MLC1: variants seen among roughly 807,000 people sequenced by gnomAD.
MLC1 encodes modulator of VRAC current 1.
Under a neutral mutation model 44.7 loss-of-function variants are expected in MLC1, and 32 were observed. The observed-to-expected ratio is 0.72, with a 90% CI of 0.54 to 0.96. MLC1 has a LOEUF of 0.96. Among genes scored for constraint, MLC1 ranks in the 40% least tolerant of loss-of-function variants. MLC1 has a pLI of 0.00. For synonymous variants in MLC1, 190 were observed against 213.0 expected (o/e 0.89, Z 0.94); for missense variants, 459 against 492.2 (o/e 0.93, Z 0.64).
rs1023171023 is a variant in MLC1, at chr22:50,084,656, G to A, written c.177+70C>T. The A allele has an allele frequency of 1.3e-5, 20 of 1,543,726 alleles. No homozygotes were observed. The African/African-American group carries it at 2.0e-4, about 16-fold the overall frequency. The stretch of plus-strand genomic sequence containing the variant: ...TCTCTGTCCCACCTGGGGCTCCAGG[G>A]CGCTGCAGTCCGTCACCAGAGGGAC... On this transcript the variant is annotated intron_variant, in intron 2 of 11. Transcript: ENST00000311597.
chr22:50,061,709 G>A, intron 11 of MLC1, 52 bp from the exon 12 acceptor site: 1 of 1,534,434 alleles, frequency 6.5e-7, no homozygotes, highest in Non-Finnish European at 9.0e-7. Flanking sequence ...CTGTGCGGCG[G>A]GAAGGTGGAC....
Position 50,069,776 on chromosome 22 carries a change from G to A in MLC1, c.771+751C>T, listed in dbSNP as rs146858469. On this transcript the variant is annotated intron_variant, in intron 9 of 11. Transcript: ENST00000311597. ...CTTTTAACCCACCCCAAATCTTCCT[G>A]TTTGACCCATCAAGTCTCAGAGACA... Among the ~76,000 whole-genome samples the A allele has an allele frequency of 7.8e-3, 1,195 of 152,240 alleles. 11 individuals carry two copies. Among genetic ancestry groups the A allele is most frequent in the African/African-American group, 0.026 (1,096 of 41,532 alleles).
At chr22:50,072,361 G>A (rs2061873297) in intron 8 of MLC1, among the ~76,000 whole-genome samples, 1 of 152,254 alleles carries the variant, frequency 6.6e-6, no homozygotes, top group South Asian at 2.1e-4. Context: ...CAGGGCCTGG[G>A]CCCCTCTGCC....
In MLC1 at chr22:50,081,009, A is replaced by AAAAGAAGGAAAGAAAGAAAGAAAGAAAG. The variant is rs2062110743; in HGVS notation, c.268-613_268-612insCTTTCTTTCTTTCTTTCTTTCCTTCTTT. On this transcript the variant is annotated intron_variant, in intron 3 of 11. Transcript: ENST00000311597. Reference sequence around the variant, plus strand: ...TGATAGAGTGAGACCTTGTCTCAAAAAAAGAAAGAAAGAAAGAAAGAAAGA... The same window carrying AAAAGAAGGAAAGAAAGAAAGAAAGAAAG: ...TGATAGAGTGAGACCTTGTCTCAAAAAAAGAAGGAAAGAAAGAAAGAAAGAAAGAAAGAAAGAAAGAAAGAAAGAAAGA... Among the ~76,000 whole-genome samples the AAAAGAAGGAAAGAAAGAAAGAAAGAAAG allele has an allele frequency of 4.1e-5, 4 of 96,740 alleles. No homozygotes were observed. The East Asian group carries it at 1.1e-3, about 27-fold the overall frequency. The allele number at this position is 96,740 out of a possible 152,430, so 63.5% of individuals were successfully genotyped here.
At chr22:50,079,500 CTTTTTTT>C (rs55760839) in intron 5 of MLC1, among the ~76,000 whole-genome samples, 9 of 75,808 alleles carry the variant, frequency 1.2e-4, no homozygotes, top group Middle Eastern at 0.01. Context: ...GGATTTTTGT[CTTTTTTT>C]TTTTTTTTTT....
chr22:50,077,667 T>C (rs949311135), intron 5 of MLC1, among the ~76,000 whole-genome samples, 165 bp from the exon 6 acceptor site: 3 of 152,324 alleles, frequency 2.0e-5, no homozygotes, highest in African/African-American at 7.2e-5. Flanking sequence ...CTGCACACTC[T>C]CCTGCCTCAC....
chr22:50,062,237 A>AGCCCCTGG (rs2061581197), intron 11 of MLC1, among the ~76,000 whole-genome samples: 1 of 125,014 alleles, frequency 8.0e-6, no homozygotes, highest in African/African-American at 3.0e-5. Flanking sequence ...GCCCACCCTG[A>AGCCCCTGG]GCCCCAACCG....
intron 10 of MLC1, among the ~76,000 whole-genome samples, chr22:50,065,115 G>A (rs757647217): frequency 2.6e-5 from 4 of 152,150 alleles, no homozygotes; most frequent in Non-Finnish European, 5.9e-5. Context: ...AGTAGAGACG[G>A]GGTTTCACCA....
Position 50,084,958 on chromosome 22 carries a change from T to C in MLC1, c.-56A>G. The C allele has an allele frequency of 6.3e-7, 1 of 1,599,448 alleles. No homozygotes were observed. ...TGTACAGCCACGTGTCACCAGTTCT[T>C]TATCTGGAATAAAATTATCATCGGC... is the stretch of plus-strand genomic sequence containing the variant. On this transcript the variant is annotated 5_prime_UTR_variant, in exon 2 of 12. Coordinates refer to ENST00000311597, the MANE Select transcript of MLC1 (RefSeq NM_015166.4).
intron 11 of MLC1, among the ~76,000 whole-genome samples, chr22:50,062,603 CT>C (rs2061595564): frequency 6.6e-6 from 1 of 152,370 alleles, no homozygotes; most frequent in Admixed American, 6.5e-5. Context: ...TCCTCCGGGA[CT>C]TAGCGGGCAC....
chr22:50,061,238 C>A lies in MLC1; in HGVS notation c.*345G>T. ...TCCAGAGAGCCCACTCCAGCCCAAG[C>A]CATGAGAGAGGCAGGAAGAGGAGCT... is the stretch of plus-strand genomic sequence containing the variant. On this transcript the variant is annotated 3_prime_UTR_variant, in exon 12 of 12. Coordinates refer to ENST00000311597, the MANE Select transcript of MLC1 (RefSeq NM_015166.4). The A allele has an allele frequency of 2.5e-6, 1 of 400,710 alleles. No homozygotes were observed. Among genetic ancestry groups the A allele is most frequent in the Non-Finnish European group, 4.7e-6 (1 of 211,120 alleles). 24.8% of individuals were successfully genotyped at this position (400,710 alleles called of 1,614,324 possible). A position where few individuals can be genotyped will look rare whatever the true frequency, so the allele number is the denominator to read the frequency against.
At position 50,068,511 on chromosome 22, in the gene MLC1, C is replaced by T. The variant is rs757434710; in HGVS notation, c.816G>A (p.Leu272=). Residue 272 remains leucine (L), a synonymous_variant, in exon 10 of 12, where the codon CTG becomes CTA. Coordinates refer to ENST00000311597, the MANE Select transcript of MLC1 (RefSeq NM_015166.4). The part of the protein sequence containing the change: ...IAISSLTSPL[L]FTASGYLSFS... ...ATGACAGATATCCAGAGGCTGTGAACAGCAGCGGAGACGTGAGGCTGCTTA... is the reference window on the plus strand; with the variant it reads ...ATGACAGATATCCAGAGGCTGTGAATAGCAGCGGAGACGTGAGGCTGCTTA... The T allele has an allele frequency of 1.5e-5, 25 of 1,613,852 alleles. No homozygotes were observed. Among genetic ancestry groups the T allele is most frequent in the Middle Eastern group, 1.6e-4 (1 of 6,062 alleles).
At chr22:50,062,752 G>A (rs1480421825) in intron 11 of MLC1, among the ~76,000 whole-genome samples, 1 of 152,242 alleles carries the variant, frequency 6.6e-6, no homozygotes, top group African/African-American at 2.4e-5. Flanking sequence ...CTGAGTGGCT[G>A]CCCAGGTGTT....
At chr22:50,074,501 C>A in intron 7 of MLC1, 169 bp from the exon 8 acceptor site, 2 of 664,794 alleles carry the variant, frequency 3.0e-6, no homozygotes, top group Non-Finnish European at 5.5e-6. Flanking sequence ...CTGGCCCAGA[C>A]CCCCTCTGCC....
At chr22:50,073,823 A>G (rs1256296134) in intron 8 of MLC1, among the ~76,000 whole-genome samples, 1 of 152,238 alleles carries the variant, frequency 6.6e-6, no homozygotes, top group Non-Finnish European at 1.5e-5. Context: ...CATCTGCTGC[A>G]GTAACATTTA....
chr22:50,070,686 GCTGGCTTGCTGTGGGGGGC>G, intron 8 of MLC1, 103 bp from the exon 9 acceptor site: 1 of 1,274,778 alleles, frequency 7.8e-7, no homozygotes, highest in Non-Finnish European at 1.1e-6. Flanking sequence ...AGGCTGCCTG[GCTGGCTTGCTGTGGGGGGC>G]AGGGGGGATG....
intron 3 of MLC1, among the ~76,000 whole-genome samples, chr22:50,081,057 G>GAAAGAA (rs1306674913): frequency 1.3e-5 from 2 of 151,310 alleles, no homozygotes; most frequent in African/African-American, 2.4e-5. Flanking sequence ...AAGAAAGAAA[G>GAAAGAA]AGGAGGTCTG....
At position 50,061,206 on chromosome 22, in the gene MLC1, G is replaced by GACCCCCA. The variant is rs2061553365; in HGVS notation, c.*376_*377insTGGGGGT. 2 of 315,932 alleles carry GACCCCCA rather than the reference G, an allele frequency of 6.3e-6. No individual in the cohort carries two copies. The highest frequency in any genetic ancestry group is 1.2e-5 in the Non-Finnish European group (2 of 164,140). The allele number at this position is 315,932 out of a possible 1,614,324, so 19.6% of individuals were successfully genotyped here. ...CAGGAGACGCAGGGACCCACAGTCT[G>GACCCCCA]GTCAGGTCCAGAGAGCCCACTCCAG... On this transcript the variant is annotated 3_prime_UTR_variant, in exon 12 of 12. Transcript: ENST00000311597.
chr22:50,068,684 A>G, intron 9 of MLC1, 129 bp from the exon 10 acceptor site: 3 of 1,002,776 alleles, frequency 3.0e-6, no homozygotes, highest in Non-Finnish European at 3.1e-6. Flanking sequence ...GGTTCCCTGC[A>G]TGACTCCTGC....
Sources: gnomAD v4.1 joint callset for allele counts (sites outside exome capture counted in the v4.1 genomes callset) on GRCh38, gnomAD v4.1.1 for gene constraint, MANE v1.5 for transcripts, NCBI Gene and HGNC (gene_info 2026-07-23, HGNC 2026-07-21) for gene names.